The following DNAJB6 variants were observed in gnomAD, a reference collection of about 807,000 sequenced individuals.
DNAJB6 encodes the protein dnaJ homolog subfamily B member 6.
DNAJB6 carries 16 observed loss-of-function variants against 42.7 expected under a neutral mutation model. The observed-to-expected ratio is 0.37, with a 90% CI of 0.25 to 0.57. The LOEUF (loss-of-function observed/expected upper bound fraction) is 0.57. Ranked by LOEUF, DNAJB6 falls within the 20% of genes least tolerant of loss-of-function variation. DNAJB6 has a pLI of 0.74. For synonymous variants in DNAJB6, 170 were observed against 163.5 expected (o/e 1.04, Z -0.30); for missense variants, 347 against 416.8 (o/e 0.83, Z 1.46).
chr7:157,384,353 T>G (rs1263158349), intron 6 of DNAJB6, among the ~76,000 whole-genome samples: 2 of 152,238 alleles, frequency 1.3e-5, no homozygotes, highest in African/African-American at 4.8e-5. Flanking sequence ...GGAAGCCGAT[T>G]AGGTTTGCTG....
chr7:157,340,997 T>TGCGTGCGC (rs1554450153), intron 1 of DNAJB6, among the ~76,000 whole-genome samples: 4 of 118,298 alleles, frequency 3.4e-5, no homozygotes, highest in African/African-American at 1.1e-4. Context: ...TGTGTGTGTG[T>TGCGTGCGC]GCGCGCGCGC....
intron 1 of DNAJB6, among the ~76,000 whole-genome samples, chr7:157,340,224 A>G (rs1798288696): frequency 6.6e-6 from 1 of 152,234 alleles, no homozygotes; most frequent in Non-Finnish European, 1.5e-5. Context: ...AAACCTTTTT[A>G]AAACTTTTTC....
intron 1 of DNAJB6, among the ~76,000 whole-genome samples, chr7:157,353,557 TTGTC>T (rs1247331596): frequency 6.6e-6 from 1 of 150,984 alleles, no homozygotes; most frequent in Non-Finnish European, 1.5e-5. Flanking sequence ...TAGTTACAGG[TTGTC>T]TGTCCCGTTG....
At chr7:157,360,319 G>C (rs766197741) in intron 2 of DNAJB6, among the ~76,000 whole-genome samples, 11 of 152,124 alleles carry the variant, frequency 7.2e-5, no homozygotes, top group African/African-American at 2.2e-4. Flanking sequence ...AGAATAGCAC[G>C]GGAAAGACTA....
intron 5 of DNAJB6, among the ~76,000 whole-genome samples, chr7:157,370,132 ACCCTTCTTAAGATTATTAAACG>A (rs1800112921): frequency 1.8e-5 from 2 of 110,132 alleles, no homozygotes; most frequent in African/African-American, 7.3e-5. Context: ...ATTAAATGGG[ACCCTTCTTAAGATTATTAAACG>A]GGCCCCTTCT....
intron 3 of DNAJB6, among the ~76,000 whole-genome samples, chr7:157,364,729 A>G (rs1799763542): frequency 6.6e-6 from 1 of 152,174 alleles, no homozygotes; most frequent in South Asian, 2.1e-4. Flanking sequence ...GAAGCTTCAT[A>G]TTTGATAGAG....
chr7:157,375,203 T>A (rs1800411378), intron 5 of DNAJB6, among the ~76,000 whole-genome samples: 1 of 151,996 alleles, frequency 6.6e-6, no homozygotes, highest in Non-Finnish European at 1.5e-5. Context: ...GTGGAAGGTG[T>A]GATGGTGGAG....
intron 1 of DNAJB6, among the ~76,000 whole-genome samples, chr7:157,346,037 CA>C (rs1798666626): frequency 9.6e-6 from 1 of 103,820 alleles, no homozygotes; most frequent in Non-Finnish European, 2.2e-5. Context: ...CCTGAGGGCC[CA>C]CATTTTTCTG....
intron 7 of DNAJB6, 46 bp from the exon 8 acceptor site, chr7:157,385,495 C>G (rs949847518): frequency 6.3e-7 from 1 of 1,588,496 alleles, no homozygotes; most frequent in Non-Finnish European, 8.6e-7. Context: ...CTCACACATG[C>G]ATTTTCTTTA....
intron 1 of DNAJB6, among the ~76,000 whole-genome samples, chr7:157,339,427 A>G (rs1169132685): frequency 6.6e-6 from 1 of 151,230 alleles, no homozygotes; most frequent in Non-Finnish European, 1.5e-5. Context: ...CCTCCCGAGT[A>G]GCTGGGACTT....
chr7:157,409,224 C>T (rs749653914), intron 8 of DNAJB6, among the ~76,000 whole-genome samples: 8 of 152,140 alleles, frequency 5.3e-5, no homozygotes, highest in South Asian at 2.1e-4. Context: ...GTTGAGAAGC[C>T]GGCCCGTCTT....
At chr7:157,370,212 G>A (rs1800126304) in intron 5 of DNAJB6, among the ~76,000 whole-genome samples, 1 of 150,424 alleles carries the variant, frequency 6.6e-6, no homozygotes, top group South Asian at 2.1e-4. Context: ...TATTAAAGAG[G>A]CCCTTTCTTC....
At chr7:157,384,725 G>A (rs1216479915) in intron 6 of DNAJB6, 142 bp from the exon 7 acceptor site, 37 of 767,922 alleles carry the variant, frequency 4.8e-5, no homozygotes, top group Non-Finnish European at 7.5e-5. Context: ...CTTCAGCTGA[G>A]GCCTTGATAG....
chr7:157,363,057 A>G lies in DNAJB6; in HGVS notation c.66-104A>G, dbSNP rs759592935. On this transcript the variant is annotated intron_variant, in intron 2 of 9. Transcript: ENST00000262177. Reference sequence around the variant, plus strand: ...AGTTAAAACCAGTATTCATCTCACCAGTTGGCAGCTCTGAAGCCATTCTCG... The same window carrying G: ...AGTTAAAACCAGTATTCATCTCACCGGTTGGCAGCTCTGAAGCCATTCTCG... 135 of 684,160 alleles carry G rather than the reference A, an allele frequency of 2.0e-4. 1 individual carries two copies. Among genetic ancestry groups the G allele is most frequent in the South Asian group, 6.3e-4 (36 of 57,222 alleles). 42.4% of individuals were successfully genotyped at this position (684,160 alleles called of 1,614,324 possible).
chr7:157,393,464 C>T (rs1180524203), intron 8 of DNAJB6, among the ~76,000 whole-genome samples: 1 of 152,008 alleles, frequency 6.6e-6, no homozygotes, highest in Non-Finnish European at 1.5e-5. Context: ...GTGTTTATGT[C>T]CCAAAATTCC....
At chr7:157,411,837 T>C (rs1795986658) in intron 9 of DNAJB6, 1 of 152,240 alleles carries the variant, frequency 6.6e-6, no homozygotes, top group Non-Finnish European at 1.5e-5. Context: ...GCGGGACTGA[T>C]ACGGGCAGGC....
At chr7:157,410,035 A>T in intron 9 of DNAJB6, 34 bp downstream of exon 9, 1 of 1,496,066 alleles carries the variant, frequency 6.7e-7, no homozygotes, top group Non-Finnish European at 8.9e-7. Context: ...GAGCAGGCGC[A>T]GAGTGAGACT....
At chr7:157,362,138 A>T (rs182353240) in intron 2 of DNAJB6, among the ~76,000 whole-genome samples, 13 of 152,300 alleles carry the variant, frequency 8.5e-5, no homozygotes. Context: ...GACCTTGGTC[A>T]TAGAATCTTT....
At position 157,392,640 on chromosome 7, in the gene DNAJB6, GCAGCTCCTTTC is replaced by G. The variant is rs1801403157; in HGVS notation, c.691+7036_691+7046del. Among the ~76,000 whole-genome samples the G allele has an allele frequency of 1.1e-4, 16 of 152,260 alleles. No homozygotes were observed. The South Asian group carries it at 3.3e-3, about 32-fold the overall frequency. On this transcript the variant is annotated intron_variant, in intron 8 of 9. Transcript: ENST00000262177. ...GATGGCAGTGTGTGCATCCGGAAGC[GCAGCTCCTTTC>G]CAGCTCGTTTCTAGGCCAGTCTTCG...
Sources: gnomAD v4.1 joint callset for allele counts (sites outside exome capture counted in the v4.1 genomes callset) on GRCh38, gnomAD v4.1.1 for gene constraint, MANE v1.5 for transcripts, NCBI Gene and HGNC (gene_info 2026-07-23, HGNC 2026-07-21) for gene names.